Variants in SLC38A9 observed in about 807,000 individuals in gnomAD.
SLC38A9 encodes the protein solute carrier family 38 member 9.
Under a neutral mutation model 62.3 loss-of-function variants are expected in SLC38A9, and 48 were observed. The observed-to-expected ratio is 0.77, with a 90% CI of 0.61 to 0.98. The LOEUF is 0.98. SLC38A9 is among the 50% of genes least tolerant of loss of function. SLC38A9 has a pLI of 0.00. For synonymous variants in SLC38A9, 204 were observed against 227.7 expected (o/e 0.90, Z 0.94); for missense variants, 541 against 679.8 (o/e 0.80, Z 2.27).
intron 4 of SLC38A9, 129 bp downstream of exon 4, chr5:55,672,434 G>A: frequency 9.9e-7 from 1 of 1,007,182 alleles, no homozygotes; most frequent in Non-Finnish European, 1.5e-6. Context: ...TACTATCTTT[G>A]ACTTTGCATG....
intron 12 of SLC38A9, among the ~76,000 whole-genome samples, chr5:55,639,272 T>TTAAAAAAAAAAAAAAAAAAA (rs1391586466): frequency 1.8e-5 from 1 of 54,648 alleles, no homozygotes; most frequent in African/African-American, 6.9e-5. Context: ...AAACTCTGTC[T>TTAAAAAAAAAAAAAAAAAAA]AAAAAAAAAA....
intron 4 of SLC38A9, 119 bp downstream of exon 4, chr5:55,672,444 G>T: frequency 8.9e-7 from 1 of 1,125,628 alleles, no homozygotes; most frequent in Non-Finnish European, 1.3e-6. Context: ...GACTTTGCAT[G>T]ATGCTGTCCT....
chr5:55,629,529 A>G (rs1743050695), intron 14 of SLC38A9, among the ~76,000 whole-genome samples: 1 of 152,206 alleles, frequency 6.6e-6, no homozygotes, highest in Admixed American at 6.5e-5. Flanking sequence ...AATAAAGCAC[A>G]TCTGCGCGTA....
chr5:55,657,036 A>AT (rs1748581602), intron 8 of SLC38A9, among the ~76,000 whole-genome samples: 3 of 151,624 alleles, frequency 2.0e-5, no homozygotes, highest in South Asian at 2.1e-4. Flanking sequence ...AATTTTTTGT[A>AT]TTTTTTTAGT....
intron 12 of SLC38A9, among the ~76,000 whole-genome samples, chr5:55,637,626 G>A (rs1438280394): frequency 1.3e-5 from 2 of 152,126 alleles, no homozygotes; most frequent in African/African-American, 4.8e-5. Flanking sequence ...CCAATACCCA[G>A]GACCACGCCT....
chr5:55,665,189 C>T (rs1750255754), intron 7 of SLC38A9: 1 of 157,398 alleles, frequency 6.4e-6, no homozygotes, highest in South Asian at 2.0e-4. Context: ...ATTCAGATAA[C>T]AACATTGCGG....
At chr5:55,689,028 T>C (rs1754362303) in intron 3 of SLC38A9, among the ~76,000 whole-genome samples, 1 of 152,200 alleles carries the variant, frequency 6.6e-6, no homozygotes, top group East Asian at 1.9e-4. Flanking sequence ...CTAGTGTTAT[T>C]TTAAAAAGCT....
At chr5:55,705,292 G>C (rs148288382) in intron 2 of SLC38A9, among the ~76,000 whole-genome samples, 188 of 152,102 alleles carry the variant, frequency 1.2e-3, no homozygotes, top group African/African-American at 4.4e-3. Flanking sequence ...GGAAAATTGA[G>C]AGAAAAACAC....
intron 5 of SLC38A9, 24 bp from the exon 6 acceptor site, chr5:55,669,644 TA>T (rs1241661601): frequency 6.3e-7 from 1 of 1,595,520 alleles, no homozygotes. Flanking sequence ...GTAATAGCAG[TA>T]AAAAAATGGA....
chr5:55,689,073 C>T (rs1214857989), intron 3 of SLC38A9, among the ~76,000 whole-genome samples: 7 of 152,118 alleles, frequency 4.6e-5, no homozygotes, highest in Non-Finnish European at 1.0e-4. Context: ...GATCTGTATA[C>T]ACTAAACAAA....
chr5:55,708,336 C>CA (rs923801418), intron 2 of SLC38A9, among the ~76,000 whole-genome samples: 6 of 152,024 alleles, frequency 3.9e-5, no homozygotes, highest in Non-Finnish European at 7.4e-5. Flanking sequence ...TCTAAAAGAA[C>CA]AAAAAATGTT....
chr5:55,682,438 T>C (rs1237642746), intron 3 of SLC38A9, among the ~76,000 whole-genome samples: 1 of 152,208 alleles, frequency 6.6e-6, no homozygotes, highest in African/African-American at 2.4e-5. Context: ...GGATTCTTGG[T>C]AATGCTAGTA....
chr5:55,637,018 C>T (rs1234537497), intron 12 of SLC38A9, among the ~76,000 whole-genome samples: 1 of 152,154 alleles, frequency 6.6e-6, no homozygotes, highest in Non-Finnish European at 1.5e-5. Context: ...CAGCAATGAA[C>T]CAGGCCAAAT....
At chr5:55,687,289 C>T (rs1344276849) in intron 3 of SLC38A9, among the ~76,000 whole-genome samples, 5 of 150,126 alleles carry the variant, frequency 3.3e-5, no homozygotes, top group African/African-American at 4.9e-5. Flanking sequence ...TAGCCGGGCG[C>T]AGTGGCGGGC....
chr5:55,626,776 T>C (rs1742514523), intron 15 of SLC38A9, 117 bp from the exon 16 acceptor site: 3 of 882,888 alleles, frequency 3.4e-6, no homozygotes, highest in Non-Finnish European at 4.9e-6. Context: ...AAAATTATTT[T>C]TGATTCATTT....
intron 3 of SLC38A9, chr5:55,694,333 C>T (rs1755152749): frequency 6.2e-6 from 1 of 160,078 alleles, no homozygotes; most frequent in African/African-American, 2.4e-5. Flanking sequence ...TTGAGGAAGA[C>T]AGATGGGTCA....
chr5:55,647,977 C>T (rs539749935), intron 11 of SLC38A9, among the ~76,000 whole-genome samples: 1 of 152,264 alleles, frequency 6.6e-6, no homozygotes, highest in East Asian at 1.9e-4. Context: ...TGGTGGCTCA[C>T]ACCTGTAATC....
At chr5:55,672,820 T>C in intron 3 of SLC38A9, 125 bp from the exon 4 acceptor site, 4 of 875,454 alleles carry the variant, frequency 4.6e-6, no homozygotes, top group Non-Finnish European at 1.7e-6. Flanking sequence ...CATTGACTTC[T>C]CACTTTTGGT....
At chr5:55,655,608 T>TAAG (rs528469782) in intron 9 of SLC38A9, among the ~76,000 whole-genome samples, 4 of 152,172 alleles carry the variant, frequency 2.6e-5, no homozygotes, top group Non-Finnish European at 5.9e-5. Context: ...GGGGGAAAAG[T>TAAG]AAGACACTGA....
Sources: allele counts gnomAD v4.1 joint callset (sites outside exome capture counted in the v4.1 genomes callset), GRCh38; gene constraint gnomAD v4.1.1; transcripts MANE v1.5; gene names NCBI Gene and HGNC (gene_info 2026-07-23, HGNC 2026-07-21).